The following CREB1 variants were observed in gnomAD, a reference collection of about 807,000 sequenced individuals.
The protein encoded by CREB1 is cyclic AMP-responsive element-binding protein 1.
A neutral mutation model predicts 42.0 loss-of-function variants in CREB1; 2 were observed. The observed-to-expected ratio is 0.05, with a 90% CI of 0.02 to 0.15. The LOEUF (loss-of-function observed/expected upper bound fraction) is 0.15. Ranked by LOEUF, CREB1 falls within the 10% of genes least tolerant of loss-of-function variation. The pLI is 1.00. For missense variants in CREB1, 199 were observed against 388.9 expected, an observed-to-expected ratio of 0.51 and a Z score of 4.11; for synonymous variants, 123 against 139.9, an observed-to-expected ratio of 0.88 and a Z score of 0.85.
chr2:207,566,561 T>C (rs2082148713), intron 3 of CREB1, among the ~76,000 whole-genome samples: 1 of 152,090 alleles, frequency 6.6e-6, no homozygotes, highest in African/African-American at 2.4e-5. Flanking sequence ...ACTATAACAG[T>C]CTGGTTTGAG....
chr2:207,577,159 ACT>A, intron 6 of CREB1: 1 of 1,015,204 alleles, frequency 9.9e-7, no homozygotes, highest in Non-Finnish European at 1.2e-6. Context: ...AAAGGAAGAC[ACT>A]GAGGACTATA....
At chr2:207,576,241 C>CTTTTTTTTTTTTTTTTTTGTT (rs35735523) in intron 6 of CREB1, among the ~76,000 whole-genome samples, 47 of 101,066 alleles carry the variant, frequency 4.7e-4, no homozygotes, top group African/African-American at 5.7e-4. Context: ...CTTTTTTTGG[C>CTTTTTTTTTTTTTTTTTTGTT]TTTTTTTTTT....
At chr2:207,567,392 T>A in intron 3 of CREB1, 71 bp from the exon 4 acceptor site, 1 of 1,100,022 alleles carries the variant, frequency 9.1e-7, no homozygotes. Flanking sequence ...TATGACTTTT[T>A]ATATTTGTTT....
intron 5 of CREB1, among the ~76,000 whole-genome samples, chr2:207,573,606 A>G (rs1004728200): frequency 6.6e-6 from 1 of 152,116 alleles, no homozygotes; most frequent in East Asian, 1.9e-4. Context: ...GTAGGGCCTG[A>G]TGTCCTGTGC....
intron 1 of CREB1, among the ~76,000 whole-genome samples, chr2:207,533,130 A>G (rs988719347): frequency 6.6e-6 from 1 of 152,040 alleles, no homozygotes; most frequent in Non-Finnish European, 1.5e-5. Context: ...AAGCTAATAA[A>G]TTACTTGACA....
chr2:207,565,164 A>G (rs61098834), intron 3 of CREB1, among the ~76,000 whole-genome samples: 1,809 of 152,080 alleles, frequency 0.012, 32 homozygotes, highest in African/African-American at 0.041. Flanking sequence ...CTCCCCCAGA[A>G]CGGTACATTT....
intron 1 of CREB1, among the ~76,000 whole-genome samples, chr2:207,539,136 G>A (rs1291916712): frequency 6.6e-6 from 1 of 151,188 alleles, no homozygotes; most frequent in East Asian, 1.9e-4. Context: ...CGCCTCCTGG[G>A]TTCCAGCGAT....
At chr2:207,569,289 T>G (rs2082259775) in intron 4 of CREB1, among the ~76,000 whole-genome samples, 1 of 152,202 alleles carries the variant, frequency 6.6e-6, no homozygotes, top group Admixed American at 6.5e-5. Context: ...TGGGGTGAAT[T>G]CCTGGAAATG....
chr2:207,577,893 A>G, intron 7 of CREB1: 2 of 477,980 alleles, frequency 4.2e-6, no homozygotes, highest in South Asian at 4.1e-5. Flanking sequence ...GTTTCCCCAC[A>G]GGAGATTTAA....
chr2:207,561,935 G>A (rs537030629), intron 3 of CREB1, among the ~76,000 whole-genome samples: 107 of 152,270 alleles, frequency 7.0e-4, no homozygotes, highest in Middle Eastern at 3.4e-3. Flanking sequence ...AAGTGGGAGC[G>A]TGGGGGAGGA....
At chr2:207,532,351 T>A (rs2080676368) in intron 1 of CREB1, among the ~76,000 whole-genome samples, 1 of 151,134 alleles carries the variant, frequency 6.6e-6, no homozygotes, top group Non-Finnish European at 1.5e-5. Context: ...AAAGAATATA[T>A]GACTCTTCAT....
At position 207,531,580 on chromosome 2, in the gene CREB1, C is replaced by T. The variant is rs75883495; in HGVS notation, c.-9+1446C>T. On this transcript the variant is annotated intron_variant, in intron 1 of 7. Transcript: ENST00000353267. ...TCTAACCTCAGCTGGCGTCTAACTTCTGAAGGTTTAGTAGAAGATACTTTT... is the reference window on the plus strand; with the variant it reads ...TCTAACCTCAGCTGGCGTCTAACTTTTGAAGGTTTAGTAGAAGATACTTTT... Among the ~76,000 whole-genome samples, 1,072 of 152,350 alleles carry T rather than the reference C, an allele frequency of 7.0e-3. 17 individuals are homozygous for T. The highest frequency in any genetic ancestry group is 0.025 in the African/African-American group (1,022 of 41,568).
intron 4 of CREB1, among the ~76,000 whole-genome samples, chr2:207,569,030 GATAC>G (rs71412420): frequency 6.6e-6 from 1 of 151,898 alleles, no homozygotes; most frequent in East Asian, 1.9e-4. Flanking sequence ...CAAATGAGCA[GATAC>G]ATGTCTGTTT....
At chr2:207,577,369 A>G (rs1470276675) in intron 6 of CREB1, 136 bp from the exon 7 acceptor site, 6 of 1,236,304 alleles carry the variant, frequency 4.9e-6, no homozygotes, top group African/African-American at 1.5e-5. Flanking sequence ...GATTCTTTCA[A>G]CGCTTTAGCC....
chr2:207,551,490 A>T (rs2081500936), intron 1 of CREB1, among the ~76,000 whole-genome samples: 1 of 152,178 alleles, frequency 6.6e-6, no homozygotes, highest in Non-Finnish European at 1.5e-5. Flanking sequence ...TTCATTGGGT[A>T]ATAGTATGAC....
intron 1 of CREB1, among the ~76,000 whole-genome samples, chr2:207,546,243 A>C (rs1451406011): frequency 6.6e-6 from 1 of 152,248 alleles, no homozygotes; most frequent in Non-Finnish European, 1.5e-5. Context: ...ACATCTACAC[A>C]GAAGGATGGA....
rs576227565 is a variant in CREB1, at chr2:207,598,394, CTG to C, written c.*1338_*1339del. On this transcript the variant is annotated 3_prime_UTR_variant, in exon 8 of 8. Coordinates refer to ENST00000353267, the MANE Select transcript of CREB1 (RefSeq NM_004379.5). ...AATTTTAATTCCTGATTAAAACAGT[CTG>C]TATTTGTGTATATCATACATTGTTT... 1 of 181,196 alleles carries C rather than the reference CTG, an allele frequency of 5.5e-6. No homozygotes were observed. The highest frequency in any genetic ancestry group is 2.4e-5 in the African/African-American group (1 of 42,248). 11.2% of individuals were successfully genotyped at this position (181,196 alleles called of 1,614,324 possible). A position where few individuals can be genotyped will look rare whatever the true frequency, so the allele number is the denominator to read the frequency against.
chr2:207,604,881 A>G lies in CREB1; in HGVS notation c.*7823A>G, dbSNP rs756805074. On this transcript the variant is annotated 3_prime_UTR_variant, in exon 8 of 8. Coordinates refer to ENST00000353267, the MANE Select transcript of CREB1 (RefSeq NM_004379.5). ...TTTAATGTGTTGTTGAGGTTGATCCATTGTAACATGTTATCACTACTTCAT... is the reference window on the plus strand; with the variant it reads ...TTTAATGTGTTGTTGAGGTTGATCCGTTGTAACATGTTATCACTACTTCAT... Among the ~76,000 whole-genome samples the G allele has an allele frequency of 6.6e-6, 1 of 152,180 alleles. No individual in the cohort carries two copies. Among genetic ancestry groups the G allele is most frequent in the Non-Finnish European group, 1.5e-5 (1 of 68,046 alleles).
intron 1 of CREB1, among the ~76,000 whole-genome samples, chr2:207,554,266 CACTT>C (rs1299336895): frequency 6.6e-6 from 1 of 152,094 alleles, no homozygotes; most frequent in African/African-American, 2.4e-5. Flanking sequence ...ACTTGTAAAA[CACTT>C]TCTTTTTATA....
Sources: gnomAD v4.1 joint callset for allele counts (sites outside exome capture counted in the v4.1 genomes callset) on GRCh38, gnomAD v4.1.1 for gene constraint, MANE v1.5 for transcripts, NCBI Gene and HGNC (gene_info 2026-07-23, HGNC 2026-07-21) for gene names.